DNAJC1: variants seen among roughly 807,000 people sequenced by gnomAD.
The protein encoded by DNAJC1 is DnaJ heat shock protein family (Hsp40) member C1.
Under a neutral mutation model 76.6 loss-of-function variants are expected in DNAJC1, and 58 were observed. That is an observed-to-expected ratio of 0.76 (90% CI 0.61 to 0.94). DNAJC1 has a LOEUF of 0.94. Ranked by LOEUF, DNAJC1 falls within the 40% of genes least tolerant of loss-of-function variation. The pLI is 0.00. For synonymous variants in DNAJC1, 258 were observed against 267.9 expected (o/e 0.96, Z 0.36); for missense variants, 689 against 677.3 (o/e 1.02, Z -0.19).
chr10:21,902,968 C>T (rs974418182), intron 7 of DNAJC1, among the ~76,000 whole-genome samples: 1 of 152,058 alleles, frequency 6.6e-6, no homozygotes, highest in African/African-American at 2.4e-5. Context: ...ACTCTTGTCA[C>T]CCAGGCTGGA....
intron 8 of DNAJC1, among the ~76,000 whole-genome samples, chr10:21,840,241 G>A (rs189615258): frequency 9.6e-4 from 147 of 152,332 alleles, no homozygotes; most frequent in African/African-American, 3.2e-3. Flanking sequence ...AGTGCTGGAA[G>A]CTCTGGCCAG....
chr10:21,970,364 A>G (rs539259167), intron 1 of DNAJC1, among the ~76,000 whole-genome samples: 1 of 152,182 alleles, frequency 6.6e-6, no homozygotes, highest in African/African-American at 2.4e-5. Flanking sequence ...AGAAAACAAC[A>G]AAGATTCCAC....
At chr10:21,775,036 T>C (rs1238892061) in intron 9 of DNAJC1, among the ~76,000 whole-genome samples, 1 of 152,242 alleles carries the variant, frequency 6.6e-6, no homozygotes, top group Admixed American at 6.5e-5. Context: ...TAGTAGATTC[T>C]GAATACAGCA....
chr10:21,793,768 T>C (rs1834720240), intron 9 of DNAJC1, among the ~76,000 whole-genome samples: 1 of 151,720 alleles, frequency 6.6e-6, no homozygotes, highest in South Asian at 2.1e-4. Context: ...GGGAACATAG[T>C]GAGGCCCTGT....
At chr10:21,948,439 T>C (rs1034102392) in intron 1 of DNAJC1, among the ~76,000 whole-genome samples, 8 of 152,214 alleles carry the variant, frequency 5.3e-5, no homozygotes, top group Non-Finnish European at 1.2e-4. Flanking sequence ...GTCAGTATTA[T>C]TGAAATTAAT....
intron 8 of DNAJC1, among the ~76,000 whole-genome samples, chr10:21,863,998 T>C (rs1411282124): frequency 2.0e-5 from 3 of 152,022 alleles, no homozygotes; most frequent in African/African-American, 2.4e-5. Context: ...AGCCCAGGAA[T>C]TGAAGACCAG....
intron 9 of DNAJC1, among the ~76,000 whole-genome samples, chr10:21,773,191 T>G (rs769209373): frequency 6.6e-6 from 1 of 152,238 alleles, no homozygotes; most frequent in Non-Finnish European, 1.5e-5. Context: ...AGGTATAGTT[T>G]GTTCTCTTTC....
At chr10:21,756,822 C>T (rs1429909852) in intron 11 of DNAJC1, 67 bp from the exon 12 acceptor site, 27 of 1,472,372 alleles carry the variant, frequency 1.8e-5, no homozygotes, top group Non-Finnish European at 2.4e-5. Flanking sequence ...ATCATGTGGC[C>T]GGTCTGCTGG....
At chr10:21,794,226 T>C (rs1834725929) in intron 9 of DNAJC1, among the ~76,000 whole-genome samples, 1 of 134,672 alleles carries the variant, frequency 7.4e-6, no homozygotes, top group South Asian at 2.2e-4. Flanking sequence ...TCTATGATCA[T>C]GCCATTGCAC....
intron 3 of DNAJC1, among the ~76,000 whole-genome samples, chr10:21,928,069 C>T (rs1475505299): frequency 6.6e-6 from 1 of 152,064 alleles, no homozygotes; most frequent in Admixed American, 6.6e-5. Context: ...GAGGAAATAT[C>T]AAGAAAGAGT....
At chr10:21,924,486 T>C (rs1837088821) in intron 3 of DNAJC1, among the ~76,000 whole-genome samples, 5 of 152,164 alleles carry the variant, frequency 3.3e-5, no homozygotes, top group Admixed American at 3.3e-4. Context: ...CAAAAGTAGG[T>C]ATGTTAATAT....
chr10:21,949,335 C>T (rs958297649), intron 1 of DNAJC1, among the ~76,000 whole-genome samples: 6 of 150,946 alleles, frequency 4.0e-5, no homozygotes, highest in Non-Finnish European at 8.8e-5. Context: ...GAGTTATGTC[C>T]TATTCTATTT....
chr10:21,947,224 A>G (rs1391996008), intron 1 of DNAJC1, among the ~76,000 whole-genome samples: 1 of 152,210 alleles, frequency 6.6e-6, no homozygotes, highest in Non-Finnish European at 1.5e-5. Flanking sequence ...TAAGAAGCAA[A>G]TTAGCAAGTA....
Position 21,939,185 on chromosome 10 carries a change from G to A in DNAJC1, c.223-10044C>T, listed in dbSNP as rs115375860. On this transcript the variant is annotated intron_variant, in intron 1 of 11. Transcript: ENST00000376980. Reference sequence around the variant, plus strand: ...ATTACAGGAGTGAGCCACCGCTCCCGGCCCGCTCAAAGTAAACTCTTCTTA... The same window carrying A: ...ATTACAGGAGTGAGCCACCGCTCCCAGCCCGCTCAAAGTAAACTCTTCTTA... 7.8e-3 allele frequency among the ~76,000 whole-genome samples: 1,187 copies of A among 152,164 alleles called. 14 individuals are homozygous for A. Among genetic ancestry groups the A allele is most frequent in the African/African-American group, 0.026 (1,064 of 41,508 alleles).
chr10:21,773,985 C>T (rs1183674225), intron 9 of DNAJC1, among the ~76,000 whole-genome samples: 1 of 150,378 alleles, frequency 6.6e-6, no homozygotes, highest in Non-Finnish European at 1.5e-5. Context: ...ACTAAAAATA[C>T]AAAAAATTAG....
At position 21,914,545 on chromosome 10, in the gene DNAJC1, T is replaced by C. The variant is rs149378364; in HGVS notation, c.729+4234A>G. Among the ~76,000 whole-genome samples the C allele has an allele frequency of 4.5e-3, 683 of 152,280 alleles. 4 individuals carry two copies. Among genetic ancestry groups the C allele is most frequent in the Non-Finnish European group, 8.1e-3 (548 of 68,010 alleles). The stretch of plus-strand genomic sequence containing the variant: ...CACTTTGTTGTCTTATCAGTTAACT[T>C]TATTCTGTCTAAATATTCTTTTTAG... On this transcript the variant is annotated intron_variant, in intron 6 of 11. Transcript: ENST00000376980.
At chr10:21,922,919 C>G (rs188152573) in intron 3 of DNAJC1, among the ~76,000 whole-genome samples, 130 of 152,060 alleles carry the variant, frequency 8.5e-4, no homozygotes, top group African/African-American at 2.1e-3. Flanking sequence ...CCTAATAGCA[C>G]TCTTAAGTAT....
intron 9 of DNAJC1, among the ~76,000 whole-genome samples, chr10:21,783,833 A>T (rs1834567773): frequency 6.6e-6 from 1 of 152,230 alleles, no homozygotes; most frequent in African/African-American, 2.4e-5. Context: ...TGGTGCTGGG[A>T]AAACTGGCTA....
intron 6 of DNAJC1, among the ~76,000 whole-genome samples, chr10:21,913,705 G>A (rs1836905148): frequency 6.6e-6 from 1 of 152,144 alleles, no homozygotes; most frequent in South Asian, 2.1e-4. Context: ...ATTGGTTTTT[G>A]TCAGATTCCA....
Sources: gnomAD v4.1 joint callset for allele counts (sites outside exome capture counted in the v4.1 genomes callset) on GRCh38, gnomAD v4.1.1 for gene constraint, MANE v1.5 for transcripts, NCBI Gene and HGNC (gene_info 2026-07-23, HGNC 2026-07-21) for gene names.